Variants in WDR59 observed in about 807,000 individuals in gnomAD.
WDR59 encodes the protein WD repeat domain 59, also known as GATOR2 complex protein WDR59.
WDR59 carries 100 observed loss-of-function variants against 131.2 expected under a neutral mutation model. The ratio of observed to expected loss-of-function variants is 0.76; its 90% confidence interval spans 0.65 to 0.90. The LOEUF (loss-of-function observed/expected upper bound fraction) is 0.90, where lower values mean the gene tolerates loss of function less well. Among genes scored for constraint, WDR59 ranks in the 40% least tolerant of loss-of-function variants. The pLI, the probability that WDR59 is intolerant of heterozygous loss-of-function variation, is 0.00. For synonymous variants in WDR59, 601 were observed against 466.2 expected (o/e 1.29, Z -3.72); for missense variants, 1,203 against 1,262.2 (o/e 0.95, Z 0.71).
intron 6 of WDR59, among the ~76,000 whole-genome samples, chr16:74,943,326 G>C (rs2032374315): frequency 6.6e-6 from 1 of 151,122 alleles, no homozygotes; most frequent in South Asian, 2.1e-4. Context: ...CCCCGATGTT[G>C]ACCAATTCTG....
At position 74,888,174 on chromosome 16, in the gene WDR59, G is replaced by A. The variant is rs760710275; in HGVS notation, c.2341C>T (p.Arg781Ter). The change falls in exon 22 of 26, where the codon CGA becomes TGA. Residue 781 changes from arginine (R) to a stop codon, truncating the protein, a stop_gained. Coordinates refer to ENST00000262144, the MANE Select transcript of WDR59 (RefSeq NM_030581.4). LOFTEE classifies it high-confidence loss of function. ...CCAGAAAAGGACAAACTTACATATC[G>A]ACTATGGGACACCACAAGATTAGAA... ...RSSNLVVSHSRYPSFTSSGSC... is the reference protein window; with the variant it reads ...RSSNLVVSHS The A allele has an allele frequency of 3.1e-5, 50 of 1,595,762 alleles. No homozygotes were observed. The highest frequency in any genetic ancestry group is 4.1e-5 in the Non-Finnish European group (48 of 1,175,040).
chr16:74,961,669 C>A (rs1433301490), intron 2 of WDR59, among the ~76,000 whole-genome samples: 2 of 151,956 alleles, frequency 1.3e-5, no homozygotes, highest in Non-Finnish European at 2.9e-5. Context: ...GTTTAAATTC[C>A]TTGTAGATTC....
At chr16:74,899,776 C>T (rs1487996084) in intron 18 of WDR59, 24 of 1,287,812 alleles carry the variant, frequency 1.9e-5, no homozygotes, top group Non-Finnish European at 2.1e-5. Flanking sequence ...AACGTTACAC[C>T]CAGGAGGAGG....
chr16:74,885,730 T>C lies in WDR59; in HGVS notation c.2612A>G (p.Tyr871Cys). ...DFKKCYGEILYRWGLREKRAE... is the reference protein window; with the variant it reads ...DFKKCYGEILCRWGLREKRAE... ...TCGCTTCTCTCTCAGACCCCAACGG[T>C]AGAGGATTTCCCCATAGCATTTCTT... The change falls in exon 25 of 26, where the codon TAC becomes TGC. Residue 871 changes from tyrosine (Y) to cysteine (C), a missense_variant. Tyr to Cys is a radical substitution (Grantham distance 194). Coordinates refer to ENST00000262144, the MANE Select transcript of WDR59 (RefSeq NM_030581.4). 5 of 1,614,126 alleles carry C rather than the reference T, an allele frequency of 3.1e-6. No homozygotes were observed. The highest frequency in any genetic ancestry group is 4.2e-6 in the Non-Finnish European group (5 of 1,180,004).
intron 17 of WDR59, among the ~76,000 whole-genome samples, chr16:74,904,832 G>A (rs1965721314): frequency 1.3e-5 from 2 of 152,176 alleles, no homozygotes; most frequent in Admixed American, 1.3e-4. Context: ...GGAAAAAAGA[G>A]AGTCCAGAAA....
At chr16:74,893,894 C>A (rs1965164771) in intron 18 of WDR59, 82 bp from the exon 19 acceptor site, 2 of 1,488,866 alleles carry the variant, frequency 1.3e-6, no homozygotes, top group African/African-American at 1.4e-5. Context: ...ATATTGGGGT[C>A]ATTGGCAATT....
At chr16:74,890,451 T>C (rs1398871351) in intron 20 of WDR59, among the ~76,000 whole-genome samples, 1 of 152,112 alleles carries the variant, frequency 6.6e-6, no homozygotes, top group Non-Finnish European at 1.5e-5. Context: ...GCACCCGGCC[T>C]CACATGACTT....
At chr16:74,927,954 C>G (rs1273821206) in intron 8 of WDR59, among the ~76,000 whole-genome samples, 1 of 135,964 alleles carries the variant, frequency 7.4e-6, no homozygotes, top group Non-Finnish European at 1.5e-5. Flanking sequence ...TGTTGCCAGG[C>G]TGGAGTGCAG....
intron 6 of WDR59, 122 bp from the exon 7 acceptor site, chr16:74,942,948 C>T (rs2032345227): frequency 2.5e-6 from 2 of 787,798 alleles, no homozygotes; most frequent in Admixed American, 5.8e-5. Flanking sequence ...CTTCAAGTTT[C>T]TGTGACTGCA....
At chr16:74,979,062 G>C (rs2034296608) in intron 1 of WDR59, 1 of 152,162 alleles carries the variant, frequency 6.6e-6, no homozygotes. Flanking sequence ...ACTCTGAACT[G>C]TACTTTCCAA....
At chr16:74,935,247 C>A (rs548952960) in intron 8 of WDR59, among the ~76,000 whole-genome samples, 1 of 151,740 alleles carries the variant, frequency 6.6e-6, no homozygotes, top group Non-Finnish European at 1.5e-5. Flanking sequence ...AAAGAATGTA[C>A]CAAGTGACTA....
At chr16:74,950,101 G>A (rs1446813060) in intron 4 of WDR59, among the ~76,000 whole-genome samples, 1 of 152,078 alleles carries the variant, frequency 6.6e-6, no homozygotes, top group East Asian at 1.9e-4. Flanking sequence ...CAGCACTTTG[G>A]GAGGCTGAGG....
At chr16:74,972,467 C>T (rs563016716) in intron 1 of WDR59, among the ~76,000 whole-genome samples, 1 of 152,204 alleles carries the variant, frequency 6.6e-6, no homozygotes, top group East Asian at 1.9e-4. Context: ...TGCCCTTTCT[C>T]CAGGCATAAA....
At chr16:74,955,569 G>A (rs951574) in intron 3 of WDR59, among the ~76,000 whole-genome samples, 7,025 of 152,138 alleles carry the variant, frequency 0.046, 244 homozygotes, top group East Asian at 0.17. Flanking sequence ...GAAAATCAGC[G>A]CAACCTCGGA....
rs79641304 is a variant in WDR59 at position 74,907,981 on chromosome 16, C to T, written c.1712+927G>A. On this transcript the variant is annotated intron_variant, in intron 17 of 25. Coordinates refer to ENST00000262144, the MANE Select transcript of WDR59 (RefSeq NM_030581.4). The stretch of plus-strand genomic sequence containing the variant: ...CACGTTGGCTCTGAAGTCTATATTC[C>T]TATCTGCTACAATAGATTGCCTATA... Among the ~76,000 whole-genome samples, 364 of 152,284 alleles carry T rather than the reference C, an allele frequency of 2.4e-3. 2 individuals carry two copies. Among genetic ancestry groups the T allele is most frequent in the African/African-American group, 8.4e-3 (347 of 41,552 alleles).
At chr16:74,916,365 A>G (rs1966386318) in intron 11 of WDR59, 106 bp from the exon 12 acceptor site, 2 of 1,425,860 alleles carry the variant, frequency 1.4e-6, no homozygotes, top group Non-Finnish European at 2.0e-6. Flanking sequence ...AAGGATGGGG[A>G]TGTGTCAGCC....
chr16:74,975,433 C>A (rs1279845819), intron 1 of WDR59, among the ~76,000 whole-genome samples: 1 of 150,490 alleles, frequency 6.6e-6, no homozygotes, highest in African/African-American at 2.4e-5. Context: ...GAGGCCAAGA[C>A]GGGTGGATCA....
Position 74,942,792 on chromosome 16 carries a change from A to AT in WDR59, c.479dup (p.Asn160LysfsTer3). ...CATGGCTGGTGGCAAGGCAGTTAGCATTTTTTTTATTCCATTTGACCTGGG... is the reference window on the plus strand; with the variant it reads ...CATGGCTGGTGGCAAGGCAGTTAGCATTTTTTTTTATTCCATTTGACCTGGG... On this transcript the variant is annotated frameshift_variant, in exon 7 of 26. Coordinates refer to ENST00000262144, the MANE Select transcript of WDR59 (RefSeq NM_030581.4). LOFTEE classifies it high-confidence loss of function. The AT allele has an allele frequency of 1.2e-6, 2 of 1,611,722 alleles. No homozygotes were observed. Among genetic ancestry groups the AT allele is most frequent in the Admixed American group, 1.7e-5 (1 of 59,284 alleles).
At chr16:74,960,101 G>C (rs562499906) in intron 2 of WDR59, among the ~76,000 whole-genome samples, 1 of 151,890 alleles carries the variant, frequency 6.6e-6, no homozygotes, top group Non-Finnish European at 1.5e-5. Flanking sequence ...AGGCCGAGGC[G>C]GGTAGACTGC....
Sources: gnomAD v4.1 joint callset for allele counts (sites outside exome capture counted in the v4.1 genomes callset) on GRCh38, gnomAD v4.1.1 for gene constraint, MANE v1.5 for transcripts, NCBI Gene and HGNC (gene_info 2026-07-23, HGNC 2026-07-21) for gene names.